TMEM38B: variants seen among roughly 807,000 people sequenced by gnomAD.
The protein encoded by TMEM38B is trimeric intracellular cation channel type B.
A neutral mutation model predicts 28.7 loss-of-function variants in TMEM38B; 24 were observed. That is an observed-to-expected ratio of 0.84 (90% CI 0.61 to 1.18). The LOEUF is 1.18. Among genes scored for constraint, TMEM38B ranks in the 50% most tolerant of loss-of-function variants. TMEM38B has a pLI of 0.00. For missense variants in TMEM38B, 380 were observed against 350.9 expected, an observed-to-expected ratio of 1.08 and a Z score of -0.66; for synonymous variants, 131 against 127.7, an observed-to-expected ratio of 1.03 and a Z score of -0.17.
chr9:105,704,787 G>A (rs560981179), intron 1 of TMEM38B, among the ~76,000 whole-genome samples: 1 of 152,186 alleles, frequency 6.6e-6, no homozygotes, highest in African/African-American at 2.4e-5. Flanking sequence ...AGCTGGGCGT[G>A]GTGGCAGGTG....
chr9:105,748,930 A>T, intron 5 of TMEM38B: 1 of 429,548 alleles, frequency 2.3e-6, no homozygotes, highest in Non-Finnish European at 3.9e-6. Flanking sequence ...AAGTCTAGAA[A>T]ATTTTATGGC....
At chr9:105,704,573 G>T (rs1040314180) in intron 1 of TMEM38B, among the ~76,000 whole-genome samples, 8 of 151,714 alleles carry the variant, frequency 5.3e-5, no homozygotes, top group Non-Finnish European at 8.8e-5. Flanking sequence ...TCTCAGAGTA[G>T]CCCTCAGTTT....
chr9:105,748,079 C>A lies in TMEM38B; in HGVS notation c.549C>A (p.Ala183=). The part of the protein sequence containing the change: ...GDEWLKMSYP[A]KVTLLGSVIF... ...AAATGTGTTTTATTTTCAGCCCTGC[C>A]AAGGTAACCCTGCTGGGGTCAGTTA... Residue 183 remains alanine (A), a synonymous_variant, in exon 5 of 6, where the codon GCC becomes GCA. Transcript: ENST00000374692. 6.2e-7 allele frequency: 1 copy of A among 1,610,986 alleles called. No individual in the cohort carries two copies. Among genetic ancestry groups the A allele is most frequent in the Non-Finnish European group, 8.5e-7 (1 of 1,178,202 alleles).
At chr9:105,730,828 G>T (rs566600584) in intron 4 of TMEM38B, among the ~76,000 whole-genome samples, 7 of 152,086 alleles carry the variant, frequency 4.6e-5, no homozygotes, top group South Asian at 4.2e-4. Context: ...ATCCATTTCT[G>T]CTAGATTTTC....
intron 2 of TMEM38B, 102 bp downstream of exon 2, chr9:105,705,855 G>T: frequency 8.0e-7 from 1 of 1,250,268 alleles, no homozygotes; most frequent in Admixed American, 2.4e-5. Flanking sequence ...TTACGTGCTT[G>T]AAAAGTTAAT....
intron 4 of TMEM38B, among the ~76,000 whole-genome samples, chr9:105,741,324 G>A (rs1434349444): frequency 6.6e-6 from 1 of 152,128 alleles, no homozygotes; most frequent in Non-Finnish European, 1.5e-5. Context: ...CAGATACCTG[G>A]GATTAGATAA....
Position 105,722,571 on chromosome 9 carries a change from G to T in TMEM38B, c.492G>T (p.Leu164Phe). ...CCATTATAACGAATTTTGAGAGGTTGGTAAAAGGAGATTGGAAACCAGAAG... is the reference window on the plus strand; with the variant it reads ...CCATTATAACGAATTTTGAGAGGTTTGTAAAAGGAGATTGGAAACCAGAAG... Reference protein sequence around the residue: ...GGTIITNFERLVKGDWKPEGD... With the variant: ...GGTIITNFERFVKGDWKPEGD... The change falls in exon 4 of 6, where the codon TTG becomes TTT. Residue 164 changes from leucine (L) to phenylalanine (F), a missense_variant. Coordinates refer to ENST00000374692, the MANE Select transcript of TMEM38B (RefSeq NM_018112.3). The T allele has an allele frequency of 6.2e-7, 1 of 1,613,572 alleles. No individual in the cohort carries two copies. The highest frequency in any genetic ancestry group is 8.5e-7 in the Non-Finnish European group (1 of 1,179,760).
chr9:105,721,888 A>G (rs1358365701), intron 3 of TMEM38B, among the ~76,000 whole-genome samples, 167 bp downstream of exon 3: 2 of 152,198 alleles, frequency 1.3e-5, no homozygotes, highest in Non-Finnish European at 2.9e-5. Flanking sequence ...ATTCAAAACT[A>G]GTACTAGTCC....
intron 5 of TMEM38B, chr9:105,759,733 G>A: frequency 6.2e-7 from 1 of 1,602,942 alleles, no homozygotes; most frequent in East Asian, 2.2e-5. Context: ...TCATTCAGAG[G>A]AAAATATTCA....
At chr9:105,713,459 T>G (rs1835981331) in intron 2 of TMEM38B, among the ~76,000 whole-genome samples, 1 of 152,210 alleles carries the variant, frequency 6.6e-6, no homozygotes, top group Non-Finnish European at 1.5e-5. Flanking sequence ...ACAGCCTGGC[T>G]GGGTGTGCCA....
chr9:105,740,977 C>T (rs1162964181), intron 4 of TMEM38B, among the ~76,000 whole-genome samples: 1 of 144,296 alleles, frequency 6.9e-6, no homozygotes, highest in Admixed American at 6.9e-5. Flanking sequence ...GATATGGGAA[C>T]ATGTTCTTTG....
intron 5 of TMEM38B, chr9:105,759,885 T>A: frequency 6.3e-7 from 1 of 1,591,462 alleles, no homozygotes; most frequent in Non-Finnish European, 8.5e-7. Context: ...GAAGGAATAG[T>A]TGTATCAACA....
intron 5 of TMEM38B, among the ~76,000 whole-genome samples, chr9:105,751,907 C>CGA (rs1399930026): frequency 6.6e-6 from 1 of 152,090 alleles, no homozygotes; most frequent in East Asian, 1.9e-4. Context: ...GGCCTTTAGC[C>CGA]ACTTCAGAAG....
intron 4 of TMEM38B, among the ~76,000 whole-genome samples, chr9:105,727,124 A>AT (rs1836545952): frequency 6.6e-6 from 1 of 152,108 alleles, no homozygotes; most frequent in Non-Finnish European, 1.5e-5. Context: ...TTACACTATA[A>AT]TTAGCTATCG....
In TMEM38B at chr9:105,769,098, C is replaced by G. The variant is rs530834263; in HGVS notation, c.661-4767C>G. On this transcript the variant is annotated intron_variant, in intron 5 of 5. Transcript: ENST00000374692. Reference sequence around the variant, plus strand: ...AACATATATCAGAGGGCTGGTATGCCTGATATATAACAACCTCTTAAAAAT... The same window carrying G: ...AACATATATCAGAGGGCTGGTATGCGTGATATATAACAACCTCTTAAAAAT... 6.6e-5 allele frequency among the ~76,000 whole-genome samples: 10 copies of G among 152,192 alleles called. No individual in the cohort carries two copies. The East Asian group carries it at 1.5e-3, about 24-fold the overall frequency.
chr9:105,751,507 C>T (rs1837650510), intron 5 of TMEM38B, among the ~76,000 whole-genome samples: 1 of 152,172 alleles, frequency 6.6e-6, no homozygotes, highest in East Asian at 1.9e-4. Flanking sequence ...TACTCTGGCC[C>T]TGGAGTCCTT....
chr9:105,719,997 A>G (rs1836263604), intron 2 of TMEM38B, among the ~76,000 whole-genome samples: 1 of 152,058 alleles, frequency 6.6e-6, no homozygotes, highest in South Asian at 2.1e-4. Flanking sequence ...TCAAAGAGAG[A>G]ACTATACAGA....
intron 1 of TMEM38B, among the ~76,000 whole-genome samples, chr9:105,703,874 C>T (rs112694665): frequency 2.3e-3 from 352 of 151,966 alleles, no homozygotes; most frequent in Middle Eastern, 0.01. Flanking sequence ...TCATGTCCTT[C>T]GCCCACTTTT....
At chr9:105,741,107 A>G (rs1455254328) in intron 4 of TMEM38B, among the ~76,000 whole-genome samples, 1 of 152,222 alleles carries the variant, frequency 6.6e-6, no homozygotes, top group African/African-American at 2.4e-5. Context: ...CACACATCTG[A>G]GAGATTAGAA....
Sources: allele counts gnomAD v4.1 joint callset (sites outside exome capture counted in the v4.1 genomes callset), GRCh38; gene constraint gnomAD v4.1.1; transcripts MANE v1.5; gene names NCBI Gene and HGNC (gene_info 2026-07-23, HGNC 2026-07-21).